The following SHANK2 variants were observed in gnomAD, a reference collection of about 807,000 sequenced individuals.
The protein encoded by SHANK2 is SH3 and multiple ankyrin repeat domains 2.
A neutral mutation model predicts 133.7 loss-of-function variants in SHANK2; 43 were observed. That is an observed-to-expected ratio of 0.32 (90% CI 0.25 to 0.41). The LOEUF (loss-of-function observed/expected upper bound fraction) is 0.41. Among genes scored for constraint, SHANK2 ranks in the 10% least tolerant of loss-of-function variants. SHANK2 has a pLI of 1.00. For synonymous variants in SHANK2, 1,017 were observed against 952.8 expected, an observed-to-expected ratio of 1.07 and a Z score of -1.24; for missense variants, 1,994 against 2,235.8, an observed-to-expected ratio of 0.89 and a Z score of 2.18.
At chr11:71,200,988 C>T (rs1954007947) in intron 2 of SHANK2, among the ~76,000 whole-genome samples, 1 of 152,128 alleles carries the variant, frequency 6.6e-6, no homozygotes, top group South Asian at 2.1e-4. Flanking sequence ...TGTGGCAGGG[C>T]CTGCCACGGG....
intron 11 of SHANK2, among the ~76,000 whole-genome samples, chr11:70,855,776 T>A (rs1949158980): frequency 6.6e-6 from 1 of 152,172 alleles, no homozygotes. Context: ...AGGAGTTAAA[T>A]CGATGGCAGG....
At chr11:70,661,481 C>A in intron 16 of SHANK2, 115 bp downstream of exon 16, 1 of 1,091,292 alleles carries the variant, frequency 9.2e-7, no homozygotes, top group South Asian at 1.4e-5. Context: ...AGCTGGGGAA[C>A]GTTTTTCATG....
intron 11 of SHANK2, among the ~76,000 whole-genome samples, chr11:70,892,965 C>G (rs1419227241): frequency 3.9e-5 from 6 of 152,194 alleles, no homozygotes; most frequent in African/African-American, 1.4e-4. Flanking sequence ...GACTTCCTTC[C>G]CTAAGTCCCT....
In SHANK2 at chr11:70,537,047, G is replaced by A. The variant is rs547273364; in HGVS notation, c.2062-34116C>T. ...AGAGGGTTCCCCAGATGAGGCTGGGGAGGGGTGGGGGCACGGTCTGCCCAT... is the reference window on the plus strand; with the variant it reads ...AGAGGGTTCCCCAGATGAGGCTGGGAAGGGGTGGGGGCACGGTCTGCCCAT... On this transcript the variant is annotated intron_variant, in intron 17 of 25. Coordinates refer to ENST00000601538, the MANE Select transcript of SHANK2 (RefSeq NM_012309.5). Among the ~76,000 whole-genome samples the A allele has an allele frequency of 4.6e-5, 7 of 152,344 alleles. No individual in the cohort carries two copies. In the East Asian group the frequency reaches 1.4e-3, roughly 29 times the overall value.
rs550145652 is a variant in SHANK2 at position 70,642,148 on chromosome 11, G to A, written c.2061+17680C>T. The stretch of plus-strand genomic sequence containing the variant: ...TTTCCAGTTGGTGAAGCCTTTGCCC[G>A]CAGGGTCTCTTTAAAAGGAAACCAG... On this transcript the variant is annotated intron_variant, in intron 17 of 25. Transcript: ENST00000601538. Among the ~76,000 whole-genome samples, 31 of 152,342 alleles carry A rather than the reference G, an allele frequency of 2.0e-4. No individual in the cohort carries two copies. In the East Asian group the frequency reaches 3.5e-3, roughly 17 times the overall value.
chr11:70,769,315 G>T (rs782212038), intron 14 of SHANK2, among the ~76,000 whole-genome samples: 3 of 152,136 alleles, frequency 2.0e-5, no homozygotes, highest in Non-Finnish European at 4.4e-5. Context: ...TCCTTTGCTC[G>T]CAGACATGTC....
rs573422336 is a variant in SHANK2 at position 70,503,937 on chromosome 11, C to T, written c.2062-1006G>A. On this transcript the variant is annotated intron_variant, in intron 17 of 25. Coordinates refer to ENST00000601538, the MANE Select transcript of SHANK2 (RefSeq NM_012309.5). ...GTTTTCAAATGTTGCTGTGAAAAGGCCCCGGCCTCACCCCTGCCCATGGAA... is the reference window on the plus strand; with the variant it reads ...GTTTTCAAATGTTGCTGTGAAAAGGTCCCGGCCTCACCCCTGCCCATGGAA... Among the ~76,000 whole-genome samples, 19 of 152,330 alleles carry T rather than the reference C, an allele frequency of 1.2e-4. No homozygotes were observed. In the East Asian group the frequency reaches 3.7e-3, roughly 29 times the overall value.
intron 17 of SHANK2, among the ~76,000 whole-genome samples, chr11:70,621,145 C>T (rs1207825702): frequency 6.6e-6 from 1 of 152,194 alleles, no homozygotes; most frequent in Non-Finnish European, 1.5e-5. Flanking sequence ...TTCACCTCTA[C>T]AGGCTCACAT....
chr11:70,576,591 C>T (rs1232239229), intron 17 of SHANK2, among the ~76,000 whole-genome samples: 3 of 152,032 alleles, frequency 2.0e-5, no homozygotes, highest in Admixed American at 2.0e-4. Context: ...GAGCCGAGAT[C>T]TTGCCACTGC....
rs994446848 is a variant in SHANK2 at position 70,804,764 on chromosome 11, G to A, written c.1663+2238C>T. 3.3e-5 allele frequency among the ~76,000 whole-genome samples: 5 copies of A among 152,158 alleles called. No homozygotes were observed. The highest frequency in any genetic ancestry group is 9.7e-5 in the African/African-American group (4 of 41,442). On this transcript the variant is annotated intron_variant, in intron 13 of 25. Coordinates refer to ENST00000601538, the MANE Select transcript of SHANK2 (RefSeq NM_012309.5). This position sits in a 1 kb window ranked among gnomAD's most constrained non-coding sequence, Gnocchi z 4.1. ...GAATTAAGGTGTGAGATGTGGATTCGCCTGCCATGTCCCAGGACCCCTGCG... is the reference window on the plus strand; with the variant it reads ...GAATTAAGGTGTGAGATGTGGATTCACCTGCCATGTCCCAGGACCCCTGCG...
At chr11:70,495,261 T>G (rs1267879057) in intron 21 of SHANK2, among the ~76,000 whole-genome samples, 1 of 152,146 alleles carries the variant, frequency 6.6e-6, no homozygotes, top group Non-Finnish European at 1.5e-5. Context: ...GTCCCAGCAA[T>G]TTGCTTCCTC....
chr11:70,803,636 A>T (rs1370741206), intron 13 of SHANK2, among the ~76,000 whole-genome samples: 2 of 152,000 alleles, frequency 1.3e-5, no homozygotes, highest in Non-Finnish European at 2.9e-5. Flanking sequence ...AACTCCTCTC[A>T]TGTCTCAGAT....
intron 11 of SHANK2, among the ~76,000 whole-genome samples, chr11:70,869,950 A>G (rs1409148289): frequency 6.6e-6 from 1 of 152,074 alleles, no homozygotes; most frequent in Non-Finnish European, 1.5e-5. Flanking sequence ...AACCCTCACA[A>G]AAGTCCACAA....
intron 15 of SHANK2, among the ~76,000 whole-genome samples, chr11:70,678,641 CA>C (rs1944957662): frequency 6.8e-6 from 1 of 146,512 alleles, no homozygotes; most frequent in African/African-American, 2.5e-5. Flanking sequence ...CTCCCGGGTT[CA>C]AGTGATTCTC....
intron 10 of SHANK2, chr11:70,911,238 G>GT (rs1565400881): frequency 2.2e-6 from 1 of 454,598 alleles, no homozygotes; most frequent in African/African-American, 2.0e-5. Flanking sequence ...GTTTTGTTTT[G>GT]TTTTTGAGAT....
intron 15 of SHANK2, among the ~76,000 whole-genome samples, chr11:70,676,599 G>A (rs782743228): frequency 9.2e-5 from 14 of 152,234 alleles, no homozygotes; most frequent in Non-Finnish European, 1.9e-4. Flanking sequence ...CTGTGAGTGA[G>A]GTTTTTTATT....
rs368169118 is a variant in SHANK2 at position 70,578,112 on chromosome 11, C to T, written c.2062-75181G>A. Among the ~76,000 whole-genome samples the T allele has an allele frequency of 4.6e-5, 7 of 152,200 alleles. No homozygotes were observed. In the East Asian group the frequency reaches 7.7e-4, roughly 17 times the overall value. ...TGGTCAGCCTGAGCTGACTCAGACACACGAAGACACACTGACTTAGTGCGG... is the reference window on the plus strand; with the variant it reads ...TGGTCAGCCTGAGCTGACTCAGACATACGAAGACACACTGACTTAGTGCGG... On this transcript the variant is annotated intron_variant, in intron 17 of 25. Transcript: ENST00000601538.
At chr11:70,811,486 T>C (rs1412747802) in intron 12 of SHANK2, among the ~76,000 whole-genome samples, 1 of 152,078 alleles carries the variant, frequency 6.6e-6, no homozygotes, top group African/African-American at 2.4e-5. Flanking sequence ...TTGTTATCCA[T>C]CCAGGCCTCC....
chr11:70,934,931 C>T (rs566823388), intron 10 of SHANK2, among the ~76,000 whole-genome samples: 13 of 152,190 alleles, frequency 8.5e-5, no homozygotes, highest in African/African-American at 2.9e-4. Flanking sequence ...ACGCAGCAGC[C>T]GTGTGGAAGC....
Sources: gnomAD v4.1 joint callset for allele counts (sites outside exome capture counted in the v4.1 genomes callset) on GRCh38, gnomAD v4.1.1 for gene constraint, Gnocchi (gnomAD v3.1) non-coding constraint, MANE v1.5 for transcripts, NCBI Gene and HGNC (gene_info 2026-07-23, HGNC 2026-07-21) for gene names.